Variants in LRMDA observed in about 807,000 individuals in gnomAD.
LRMDA encodes the protein leucine rich melanocyte differentiation associated.
A neutral mutation model predicts 29.8 loss-of-function variants in LRMDA; 18 were observed. The ratio of observed to expected loss-of-function variants is 0.60; its 90% CI spans 0.42 to 0.90. LRMDA has a LOEUF of 0.90. Ranked by LOEUF, LRMDA falls within the 40% of genes least tolerant of loss-of-function variation. The pLI is 0.00. For synonymous variants in LRMDA, 125 were observed against 109.4 expected, an observed-to-expected ratio of 1.14 and a Z score of -0.89; for missense variants, 273 against 273.9, an observed-to-expected ratio of 1.00 and a Z score of 0.02.
intron 2 of LRMDA, among the ~76,000 whole-genome samples, chr10:75,734,976 C>T (rs998278543): frequency 4.6e-5 from 7 of 152,290 alleles, no homozygotes; most frequent in South Asian, 4.1e-4. Context: ...CTTCCCTTGC[C>T]GCTACCCCTT....
chr10:75,890,321 T>C (rs1350812337), intron 2 of LRMDA, among the ~76,000 whole-genome samples: 2 of 152,206 alleles, frequency 1.3e-5, no homozygotes, highest in East Asian at 3.8e-4. Flanking sequence ...TCTCTATATA[T>C]GTGGTGGCTG....
At chr10:76,271,072 A>G (rs971156800) in intron 5 of LRMDA, among the ~76,000 whole-genome samples, 5 of 152,208 alleles carry the variant, frequency 3.3e-5, no homozygotes, top group Admixed American at 1.3e-4. Flanking sequence ...GGCCAAATCT[A>G]TAGTGACCTC....
Position 75,603,469 on chromosome 10 carries a change from A to G in LRMDA, c.131+164975A>G, listed in dbSNP as rs143016239. Among the ~76,000 whole-genome samples the G allele has an allele frequency of 2.4e-4, 37 of 152,318 alleles. No individual in the cohort carries two copies. The East Asian group carries it at 7.1e-3, about 29-fold the overall frequency. ...ATATTATTTAACTAATTCTAATATC[A>G]TATAAAGCACTTTTAGGAGAATGGA... On this transcript the variant is annotated intron_variant, in intron 2 of 6. Coordinates refer to ENST00000611255, the MANE Select transcript of LRMDA (RefSeq NM_001305581.2).
At chr10:76,417,526 G>A (rs911806225) in intron 6 of LRMDA, among the ~76,000 whole-genome samples, 3 of 149,600 alleles carry the variant, frequency 2.0e-5, no homozygotes, top group Non-Finnish European at 2.9e-5. Flanking sequence ...CTCTCATATC[G>A]CACCCTAGGC....
intron 2 of LRMDA, among the ~76,000 whole-genome samples, chr10:75,455,522 C>T (rs1844505202): frequency 6.6e-6 from 1 of 152,176 alleles, no homozygotes; most frequent in South Asian, 2.1e-4. Context: ...TCAGTTCTCT[C>T]CTACTGGGGA....
At chr10:75,882,229 G>C (rs957371927) in intron 2 of LRMDA, among the ~76,000 whole-genome samples, 7 of 152,202 alleles carry the variant, frequency 4.6e-5, no homozygotes, top group African/African-American at 1.7e-4. Context: ...CTCACAGGTG[G>C]TGGCCAGGAA....
chr10:76,099,834 T>A (rs913606926), intron 5 of LRMDA, among the ~76,000 whole-genome samples: 14 of 152,218 alleles, frequency 9.2e-5, no homozygotes, highest in African/African-American at 3.1e-4. Flanking sequence ...TTAAATTTAT[T>A]GAGGTTTGTT....
At chr10:75,773,524 C>G (rs1034972303) in intron 2 of LRMDA, among the ~76,000 whole-genome samples, 1 of 152,172 alleles carries the variant, frequency 6.6e-6, no homozygotes, top group Non-Finnish European at 1.5e-5. Context: ...GCCAATGAAG[C>G]TGTCTATGAG....
chr10:76,230,443 T>A (rs1282059979), intron 5 of LRMDA, among the ~76,000 whole-genome samples: 1 of 151,884 alleles, frequency 6.6e-6, no homozygotes, highest in Non-Finnish European at 1.5e-5. Flanking sequence ...TAAACACTAT[T>A]AATTAGATGA....
At chr10:76,256,783 G>C (rs1207167042) in intron 5 of LRMDA, among the ~76,000 whole-genome samples, 1 of 152,038 alleles carries the variant, frequency 6.6e-6, no homozygotes, top group Non-Finnish European at 1.5e-5. Context: ...ATTCTATATG[G>C]AGTTACTCTG....
At chr10:75,748,226 T>A (rs1290603250) in intron 2 of LRMDA, among the ~76,000 whole-genome samples, 1 of 152,118 alleles carries the variant, frequency 6.6e-6, no homozygotes, top group East Asian at 1.9e-4. Context: ...CCCGAGCAGC[T>A]GGGATTATAG....
chr10:75,531,314 G>A (rs1845474709), intron 2 of LRMDA, among the ~76,000 whole-genome samples: 1 of 152,216 alleles, frequency 6.6e-6, no homozygotes, highest in Non-Finnish European at 1.5e-5. Context: ...TAGTTCTGAA[G>A]GATGAGGCGT....
intron 2 of LRMDA, among the ~76,000 whole-genome samples, chr10:75,495,018 T>G (rs762946526): frequency 6.6e-6 from 1 of 152,114 alleles, no homozygotes; most frequent in Non-Finnish European, 1.5e-5. Flanking sequence ...TTTTAAGGAG[T>G]CTTTTTAGAA....
intron 5 of LRMDA, among the ~76,000 whole-genome samples, chr10:76,263,022 A>G (rs1357714034): frequency 6.6e-6 from 1 of 152,212 alleles, no homozygotes; most frequent in Admixed American, 6.5e-5. Context: ...AATGTTGTTA[A>G]CATTAGCATT....
chr10:76,541,691 C>T (rs1045612179), intron 6 of LRMDA, among the ~76,000 whole-genome samples: 3 of 152,104 alleles, frequency 2.0e-5, no homozygotes, highest in Non-Finnish European at 2.9e-5. Context: ...CCTCTGCTCA[C>T]TATTTCCCCT....
chr10:76,041,622 G>A (rs1395489535), intron 3 of LRMDA, among the ~76,000 whole-genome samples: 2 of 152,160 alleles, frequency 1.3e-5, no homozygotes, highest in African/African-American at 2.4e-5. Context: ...ATTCTCACCT[G>A]GGACAGCTTT....
chr10:75,553,429 G>GCC (rs1437869857), intron 2 of LRMDA, among the ~76,000 whole-genome samples: 1 of 152,162 alleles, frequency 6.6e-6, no homozygotes, highest in Non-Finnish European at 1.5e-5. Context: ...CAATGCTGTT[G>GCC]CCCCTCTTTG....
chr10:76,448,789 T>C (rs1043561412), intron 6 of LRMDA, among the ~76,000 whole-genome samples: 1 of 151,306 alleles, frequency 6.6e-6, no homozygotes, highest in East Asian at 1.9e-4. Context: ...ATTTTATGAC[T>C]CTTTAGGCTG....
At chr10:75,714,849 C>CCCTT in intron 2 of LRMDA, among the ~76,000 whole-genome samples, 7 of 131,198 alleles carry the variant, frequency 5.3e-5, no homozygotes, top group Non-Finnish European at 1.1e-4. Context: ...CTCCCTCCCT[C>CCCTT]CCTCCCTCCC....
Sources: allele counts gnomAD v4.1 joint callset (sites outside exome capture counted in the v4.1 genomes callset), GRCh38; gene constraint gnomAD v4.1.1; transcripts MANE v1.5; gene names NCBI Gene and HGNC (gene_info 2026-07-23, HGNC 2026-07-21).